Variants in PDE4B observed in about 807,000 individuals in gnomAD.
PDE4B encodes the protein 3',5'-cyclic-AMP phosphodiesterase 4B.
A neutral mutation model predicts 82.2 loss-of-function variants in PDE4B; 20 were observed. That is an observed-to-expected ratio of 0.24 (90% CI 0.17 to 0.35). PDE4B has a LOEUF of 0.35. Ranked by LOEUF, PDE4B falls within the 10% of genes least tolerant of loss-of-function variation. The probability of loss-of-function intolerance (pLI) is 1.00; values close to 1 mark genes in which losing one functional copy is unlikely to be tolerated. For missense variants in PDE4B, 655 were observed against 907.2 expected (o/e 0.72, Z 3.57); for synonymous variants, 320 against 318.9 (o/e 1.00, Z -0.04).
In PDE4B at chr1:66,057,457, G is replaced by A. The variant is rs1655362419; in HGVS notation, c.281+138622G>A. 2.0e-5 allele frequency among the ~76,000 whole-genome samples: 3 copies of A among 152,262 alleles called. No homozygotes were observed. In the South Asian group the frequency reaches 6.2e-4, roughly 32 times the overall value. On this transcript the variant is annotated intron_variant, in intron 3 of 16. Transcript: ENST00000341517. Reference sequence around the variant, plus strand: ...AAGACATAAACAATTTTTAAAGAATGGAAGCCTTTTTGAGGCTAATACATA... The same window carrying A: ...AAGACATAAACAATTTTTAAAGAATAGAAGCCTTTTTGAGGCTAATACATA...
intron 3 of PDE4B, among the ~76,000 whole-genome samples, chr1:65,942,225 C>T (rs1250074031): frequency 6.6e-6 from 1 of 151,996 alleles, no homozygotes; most frequent in Non-Finnish European, 1.5e-5. Flanking sequence ...TTCTACTCTC[C>T]ACTTCTGAGT....
intron 1 of PDE4B, among the ~76,000 whole-genome samples, chr1:65,803,241 G>T (rs1645717077): frequency 6.6e-6 from 1 of 152,054 alleles, no homozygotes; most frequent in African/African-American, 2.4e-5. Flanking sequence ...TTTCTAGTTA[G>T]TTTTTTCACA....
At chr1:66,170,965 T>C (rs1273553082) in intron 3 of PDE4B, among the ~76,000 whole-genome samples, 2 of 152,204 alleles carry the variant, frequency 1.3e-5, no homozygotes, top group Non-Finnish European at 2.9e-5. Context: ...CTGCTCTGAA[T>C]GTCAAGGCTT....
intron 6 of PDE4B, among the ~76,000 whole-genome samples, chr1:66,263,394 G>A (rs571934314): frequency 2.6e-5 from 4 of 152,350 alleles, no homozygotes; most frequent in South Asian, 4.1e-4. Context: ...TGCTGTGTTC[G>A]AGGAACAGCA....
intron 7 of PDE4B, among the ~76,000 whole-genome samples, chr1:66,287,659 C>T (rs1656774823): frequency 6.6e-6 from 1 of 152,114 alleles, no homozygotes; most frequent in Non-Finnish European, 1.5e-5. Context: ...CTCTGTTTCC[C>T]ACACCAGCAA....
At chr1:66,354,565 A>G in intron 8 of PDE4B, 1 of 1,247,984 alleles carries the variant, frequency 8.0e-7, no homozygotes, top group Non-Finnish European at 1.0e-6. Flanking sequence ...AGCTGAATAC[A>G]TTTGGACAGG....
chr1:66,112,492 A>G (rs2101055073), intron 3 of PDE4B, among the ~76,000 whole-genome samples: 1 of 152,328 alleles, frequency 6.6e-6, no homozygotes, highest in African/African-American at 2.4e-5. Flanking sequence ...GTCATGGGTC[A>G]GTAGCCGAAA....
chr1:65,837,888 C>T (rs954989697), intron 1 of PDE4B, among the ~76,000 whole-genome samples: 7 of 152,052 alleles, frequency 4.6e-5, no homozygotes, highest in African/African-American at 2.4e-5. Flanking sequence ...ATTTTTCTAC[C>T]TCCACCTTCT....
intron 8 of PDE4B, among the ~76,000 whole-genome samples, chr1:66,339,618 A>G (rs571359216): frequency 1.4e-4 from 21 of 152,190 alleles, no homozygotes; most frequent in Non-Finnish European, 2.5e-4. Flanking sequence ...AGAGAGCATA[A>G]TAGTCTCAAA....
intron 1 of PDE4B, among the ~76,000 whole-genome samples, chr1:65,882,193 C>T (rs1214916564): frequency 6.6e-6 from 1 of 152,184 alleles, no homozygotes; most frequent in Non-Finnish European, 1.5e-5. Context: ...TGAGATGTCA[C>T]TGTTTAGTGA....
intron 3 of PDE4B, among the ~76,000 whole-genome samples, chr1:66,135,752 G>A (rs1349497231): frequency 6.6e-6 from 1 of 152,178 alleles, no homozygotes; most frequent in Non-Finnish European, 1.5e-5. Context: ...TACAGCTTGA[G>A]AGACTGCAAC....
At chr1:66,111,335 T>C (rs1446914898) in intron 3 of PDE4B, among the ~76,000 whole-genome samples, 1 of 152,144 alleles carries the variant, frequency 6.6e-6, no homozygotes, top group Non-Finnish European at 1.5e-5. Flanking sequence ...ATTAACACTG[T>C]TGGGCACCCA....
intron 16 of PDE4B, among the ~76,000 whole-genome samples, chr1:66,371,637 C>T (rs2050787261): frequency 6.6e-6 from 1 of 152,120 alleles, no homozygotes; most frequent in South Asian, 2.1e-4. Flanking sequence ...GGATGTCCAC[C>T]GAGGGGATAT....
At chr1:65,798,290 C>T (rs1468821689) in intron 1 of PDE4B, among the ~76,000 whole-genome samples, 1 of 38,170 alleles carries the variant, frequency 2.6e-5, no homozygotes, top group African/African-American at 3.1e-4. Context: ...CTCGCTCTGT[C>T]GCCCAGGTCG....
At position 66,304,658 on chromosome 1, in the gene PDE4B, G is replaced by C. The variant is rs183118408; in HGVS notation, c.635-27850G>C. ...GAGGGGTCATATCAGAATCATCTGG[G>C]AAGCCTTTTGACAATAAACACAGTG... On this transcript the variant is annotated intron_variant, in intron 7 of 16. Transcript: ENST00000341517. Among the ~76,000 whole-genome samples the C allele has an allele frequency of 2.0e-5, 3 of 152,160 alleles. No individual in the cohort carries two copies. The East Asian group carries it at 5.8e-4, about 29-fold the overall frequency.
Position 66,108,539 on chromosome 1 carries a change from A to G in PDE4B, c.282-138921A>G, listed in dbSNP as rs376064759. Among the ~76,000 whole-genome samples, 3 of 152,082 alleles carry G rather than the reference A, an allele frequency of 2.0e-5. No homozygotes were observed. In the East Asian group the frequency reaches 5.8e-4, roughly 29 times the overall value. ...ATGGAATGGGAGAAAATATTTGCAA[A>G]CCACACATCTAATAAGGGATAATAT... On this transcript the variant is annotated intron_variant, in intron 3 of 16. Transcript: ENST00000341517.
intron 3 of PDE4B, among the ~76,000 whole-genome samples, chr1:66,191,259 A>G (rs2101476078): frequency 6.6e-6 from 1 of 152,296 alleles, no homozygotes; most frequent in South Asian, 2.1e-4. Flanking sequence ...AATTCAGCAA[A>G]GAATGTGTTT....
At chr1:66,189,366 T>G (rs143959151) in intron 3 of PDE4B, among the ~76,000 whole-genome samples, 3,855 of 152,274 alleles carry the variant, frequency 0.025, 67 homozygotes, top group Middle Eastern at 0.095. Flanking sequence ...TTTCCTGAAG[T>G]TGAATGTTGG....
chr1:66,257,674 T>G lies in PDE4B; in HGVS notation c.504T>G (p.Pro168=). 1 of 1,613,706 alleles carries G rather than the reference T, an allele frequency of 6.2e-7. No homozygotes were observed. Among genetic ancestry groups the G allele is most frequent in the Non-Finnish European group, 8.5e-7 (1 of 1,179,612 alleles). The change falls in exon 5 of 17, where the codon CCT becomes CCG. Residue 168 remains proline (P), a synonymous_variant. Coordinates refer to ENST00000341517, the MANE Select transcript of PDE4B (RefSeq NM_002600.4). ...EQHGDDLIVT[P]FAQVLASLRS... ...ACGGCGATGACTTGATTGTAACTCC[T>G]TTTGCCCAGGTATGTATTATGCTGG... is the stretch of plus-strand genomic sequence containing the variant.
Sources: gnomAD v4.1 joint callset for allele counts (sites outside exome capture counted in the v4.1 genomes callset) on GRCh38, gnomAD v4.1.1 for gene constraint, MANE v1.5 for transcripts, NCBI Gene and HGNC (gene_info 2026-07-23, HGNC 2026-07-21) for gene names.